The following MOV10L1 variants were observed in gnomAD, a reference collection of about 807,000 sequenced individuals.
MOV10L1 encodes RNA helicase Mov10l1.
In MOV10L1, 110 loss-of-function variants were observed where a neutral mutation model predicts 143.8. The ratio of observed to expected loss-of-function variants is 0.76; its 90% confidence interval spans 0.66 to 0.90. The LOEUF is 0.90. MOV10L1 is among the 40% of genes least tolerant of loss of function. The pLI, the probability that MOV10L1 is intolerant of heterozygous loss-of-function variation, is 0.00. For missense variants in MOV10L1, 1,406 were observed against 1,526.8 expected (o/e 0.92, Z 1.32); for synonymous variants, 593 against 581.1 (o/e 1.02, Z -0.29).
intron 22 of MOV10L1, among the ~76,000 whole-genome samples, chr22:50,153,436 G>A (rs1432235582): frequency 1.3e-5 from 2 of 152,244 alleles, no homozygotes; most frequent in Non-Finnish European, 2.9e-5. Flanking sequence ...AGGCATCACA[G>A]GCACCACTCT....
chr22:50,106,642 G>A (rs971284625), intron 3 of MOV10L1, among the ~76,000 whole-genome samples: 1 of 151,262 alleles, frequency 6.6e-6, no homozygotes, highest in Non-Finnish European at 1.5e-5. Context: ...TTTACAAAAC[G>A]CTGTATAAAT....
Position 50,099,547 on chromosome 22 carries a change from G to A in MOV10L1, c.387G>A (p.Glu129=). The change falls in exon 3 of 27, where the codon GAG becomes GAA. Residue 129 remains glutamate (E), a synonymous_variant. Coordinates refer to ENST00000262794, the MANE Select transcript of MOV10L1 (RefSeq NM_018995.3). The part of the protein sequence containing the change: ...VLIGCVTSLV[E]GAGCISQTTY... Reference sequence around the variant, plus strand: ...TTGGCTGTGTGACTTCCCTGGTGGAGGGCGCAGGCTGTATCAGTCAGACCA... The same window carrying A: ...TTGGCTGTGTGACTTCCCTGGTGGAAGGCGCAGGCTGTATCAGTCAGACCA... The A allele has an allele frequency of 6.2e-7, 1 of 1,614,268 alleles. No homozygotes were observed. The highest frequency in any genetic ancestry group is 8.5e-7 in the Non-Finnish European group (1 of 1,180,058).
rs1200624461 is a variant in MOV10L1, at chr22:50,092,122, T to C, written c.219T>C (p.Val73=). 6.2e-7 allele frequency: 1 copy of C among 1,614,206 alleles called. No individual in the cohort carries two copies. ...DAVTSRVLLN[V]GQEVIAVVEE... ...TGACTAGCAGAGTGCTTCTGAATGT[T>C]GGACAGGAAGTGATTGCAGTTGTGG... Residue 73 remains valine, a synonymous_variant, in exon 2 of 27, where the codon GTT becomes GTC. Coordinates refer to ENST00000262794, the MANE Select transcript of MOV10L1 (RefSeq NM_018995.3).
chr22:50,160,774 C>G lies in MOV10L1; in HGVS notation c.3411C>G (p.Thr1137=). 6.2e-7 allele frequency: 1 copy of G among 1,613,996 alleles called. No individual in the cohort carries two copies. The highest frequency in any genetic ancestry group is 8.5e-7 in the Non-Finnish European group (1 of 1,179,990). ...CAAAAAGATTTAATGTTGCAATCACCAGACCCAAAGCTTTGCTGATAGTGC... is the reference window on the plus strand; with the variant it reads ...CAAAAAGATTTAATGTTGCAATCACGAGACCCAAAGCTTTGCTGATAGTGC... The part of the protein sequence containing the change: ...SNSKRFNVAI[T]RPKALLIVLG... The change falls in exon 25 of 27, where the codon ACC becomes ACG. Residue 1137 remains threonine (T), a synonymous_variant. Transcript: ENST00000262794.
chr22:50,117,190 C>T lies in MOV10L1; in HGVS notation c.1293C>T (p.Leu431=), dbSNP rs138222. ...GCCGCTGCAAGGAGCTCCTTTTGCT[C>T]TGTTTTTCCGATTTCCTAATTGGGC... is the stretch of plus-strand genomic sequence containing the variant. The part of the protein sequence containing the change: ...NPGRCKELLL[L]CFSDFLIGRY... Residue 431 remains leucine (L), a synonymous_variant, in exon 9 of 27, where the codon CTC becomes CTT. Transcript: ENST00000262794. 1,473,674 of 1,609,672 alleles carry T rather than the reference C, an allele frequency of 0.92. 674,766 individuals carry two copies. The highest frequency in any genetic ancestry group is 0.95 in the Admixed American group (56,191 of 59,366).
At chr22:50,121,325 C>T (rs1333317477) in intron 10 of MOV10L1, among the ~76,000 whole-genome samples, 1 of 152,120 alleles carries the variant, frequency 6.6e-6, no homozygotes, top group African/African-American at 2.4e-5. Context: ...AAAAAATGTC[C>T]TTGTTTTACC....
chr22:50,142,465 C>G (rs1304048673), intron 16 of MOV10L1, among the ~76,000 whole-genome samples: 1 of 152,116 alleles, frequency 6.6e-6, no homozygotes, highest in Non-Finnish European at 1.5e-5. Context: ...ATCTCTAAAG[C>G]CGCAGAATCG....
chr22:50,121,094 A>G (rs1250883225), intron 10 of MOV10L1, among the ~76,000 whole-genome samples: 1 of 152,214 alleles, frequency 6.6e-6, no homozygotes, highest in Non-Finnish European at 1.5e-5. Flanking sequence ...AAGAAGGAAG[A>G]AAAGTCTATA....
chr22:50,092,280 A>G (rs1413917133), intron 2 of MOV10L1, 95 bp downstream of exon 2: 1 of 1,120,458 alleles, frequency 8.9e-7, no homozygotes, highest in South Asian at 1.5e-5. Flanking sequence ...GACCCGGCCA[A>G]GGGAGAAAGA....
At chr22:50,142,942 C>A in intron 16 of MOV10L1, 101 bp from the exon 17 acceptor site, 2 of 1,097,990 alleles carry the variant, frequency 1.8e-6, no homozygotes, top group Non-Finnish European at 2.7e-6. Context: ...TCTGATTTAG[C>A]CTTTGCACAG....
At chr22:50,149,336 C>T (rs758204162) in intron 19 of MOV10L1, 170 of 419,224 alleles carry the variant, frequency 4.1e-4, no homozygotes, top group Non-Finnish European at 6.3e-4. Context: ...AGGAGGCGCT[C>T]GTGTGTTGCC....
At chr22:50,134,190 TG>T (rs2062756962) in intron 14 of MOV10L1, 125 bp downstream of exon 14, 1 of 709,862 alleles carries the variant, frequency 1.4e-6, no homozygotes, top group Non-Finnish European at 2.2e-6. Context: ...GTTATATTCA[TG>T]TTTTTAATTT....
Position 50,158,111 on chromosome 22 carries a change from G to A in MOV10L1, c.3121G>A (p.Val1041Ile), listed in dbSNP as rs368155014. 1.4e-4 allele frequency: 231 copies of A among 1,614,066 alleles called. No individual in the cohort carries two copies. Among genetic ancestry groups the A allele is most frequent in the South Asian group, 2.4e-4 (22 of 91,086 alleles). ...ATCGTGGTTCAACCCGGCCGAGGCC[G>A]TCCAGGTCCTGCGCTACTGCTGCCT... is the stretch of plus-strand genomic sequence containing the variant. Reference protein sequence around the residue: ...SPSWFNPAEAVQVLRYCCLLA... With the variant: ...SPSWFNPAEAIQVLRYCCLLA... Residue 1041 changes from valine (V) to isoleucine (I), a missense_variant, in exon 23 of 27, where the codon GTC becomes ATC. Physicochemically the swap from Val to Ile is conservative, Grantham distance 29 (BLOSUM62 3). This residue lies in a region of MOV10L1 where 1,233 missense variants were observed against 1,351.4 expected (regional missense o/e 0.91). Transcript: ENST00000262794. The surrounding 1 kb of genome is among the most constrained non-coding windows in gnomAD (Gnocchi z 5.0).
intron 12 of MOV10L1, among the ~76,000 whole-genome samples, chr22:50,126,807 AT>A (rs2062520625): frequency 6.6e-6 from 1 of 152,190 alleles, no homozygotes; most frequent in Non-Finnish European, 1.5e-5. Context: ...ACATTACTTA[AT>A]GTAGAAAACT....
chr22:50,092,080 C>T lies in MOV10L1; in HGVS notation c.177C>T (p.Tyr59=). 1 of 1,614,182 alleles carries T rather than the reference C, an allele frequency of 6.2e-7. No individual in the cohort carries two copies. Among genetic ancestry groups the T allele is most frequent in the South Asian group, 1.1e-5 (1 of 91,084 alleles). The change falls in exon 2 of 27, where the codon TAC becomes TAT. Residue 59 remains tyrosine, a synonymous_variant. Transcript: ENST00000262794. ...ATGGCATGATTGATGATATGATCTACTTCTCCAGTGATGCTGTGACTAGCA... is the reference window on the plus strand; with the variant it reads ...ATGGCATGATTGATGATATGATCTATTTCTCCAGTGATGCTGTGACTAGCA... ...SDYGMIDDMI[Y]FSSDAVTSRV... is the part of the protein sequence containing the mutation.
At chr22:50,126,733 G>T (rs192895430) in intron 12 of MOV10L1, among the ~76,000 whole-genome samples, 1 of 152,316 alleles carries the variant, frequency 6.6e-6, no homozygotes, top group East Asian at 1.9e-4. Flanking sequence ...AGCACTGGGA[G>T]TGATACTGGG....
At chr22:50,099,979 TTTTTTGTTTTTG>T (rs71670155) in intron 3 of MOV10L1, among the ~76,000 whole-genome samples, 24 of 151,338 alleles carry the variant, frequency 1.6e-4, no homozygotes, top group East Asian at 1.6e-3. Context: ...CTGTTTTGTT[TTTTTTGTTTTTG>T]TTTTTGTTTT....
At chr22:50,109,768 G>T in intron 5 of MOV10L1, 1 of 164,396 alleles carries the variant, frequency 6.1e-6, no homozygotes, top group Non-Finnish European at 1.4e-5. Context: ...CTTGAGCCTA[G>T]GAGCTTGAGG....
chr22:50,157,711 A>G (rs906100331), intron 22 of MOV10L1, among the ~76,000 whole-genome samples: 2 of 150,466 alleles, frequency 1.3e-5, no homozygotes, highest in African/African-American at 4.9e-5. Flanking sequence ...AATGTTTTCT[A>G]AGGAAGAGTA....
Sources: gnomAD v4.1 joint callset for allele counts (sites outside exome capture counted in the v4.1 genomes callset) on GRCh38, gnomAD v4.1.1 for gene constraint, gnomAD v4.1.1 regional missense constraint, Gnocchi (gnomAD v3.1) non-coding constraint, MANE v1.5 for transcripts, NCBI Gene and HGNC (gene_info 2026-07-23, HGNC 2026-07-21) for gene names.